The following KCNN2 variants were observed in gnomAD, a reference collection of about 807,000 sequenced individuals.
KCNN2 encodes small conductance calcium-activated potassium channel protein 2.
A neutral mutation model predicts 55.5 loss-of-function variants in KCNN2; 24 were observed. That is an observed-to-expected ratio of 0.43 (90% confidence interval 0.31 to 0.61). KCNN2 has a LOEUF of 0.61. Among genes scored for constraint, KCNN2 ranks in the 20% least tolerant of loss-of-function variants. The pLI is 0.08. For synonymous variants in KCNN2, 431 were observed against 336.1 expected (o/e 1.28, Z -3.09); for missense variants, 754 against 853.6 (o/e 0.88, Z 1.45).
chr5:114,181,383 T>G (rs1386940604), intron 1 of KCNN2, among the ~76,000 whole-genome samples: 1 of 152,238 alleles, frequency 6.6e-6, no homozygotes, highest in East Asian at 1.9e-4. Context: ...ATGTGCTTAT[T>G]GGCAATGCAT....
At chr5:114,441,610 T>C (rs745559708) in intron 3 of KCNN2, among the ~76,000 whole-genome samples, 34 of 152,202 alleles carry the variant, frequency 2.2e-4, no homozygotes, top group African/African-American at 8.0e-4. Flanking sequence ...CATGATAATA[T>C]GAGGGTGGCA....
chr5:114,395,827 G>A (rs934606817), intron 2 of KCNN2, among the ~76,000 whole-genome samples: 1 of 152,022 alleles, frequency 6.6e-6, no homozygotes, highest in African/African-American at 2.4e-5. Context: ...ATCCTCTTAC[G>A]TCCTGACCTT....
At chr5:114,437,306 A>G (rs1760043100) in intron 3 of KCNN2, among the ~76,000 whole-genome samples, 1 of 152,178 alleles carries the variant, frequency 6.6e-6, no homozygotes, top group Non-Finnish European at 1.5e-5. Flanking sequence ...CTGGAGAAAA[A>G]CAGGAAGAGA....
At chr5:114,334,779 T>C (rs2150034372) in intron 2 of KCNN2, among the ~76,000 whole-genome samples, 1 of 152,300 alleles carries the variant, frequency 6.6e-6, no homozygotes, top group East Asian at 1.9e-4. Flanking sequence ...AACTATCCCA[T>C]GAGTAAAAAC....
intron 2 of KCNN2, among the ~76,000 whole-genome samples, chr5:114,280,703 T>A (rs889521998): frequency 3.9e-5 from 6 of 152,204 alleles, no homozygotes; most frequent in African/African-American, 2.4e-5. Flanking sequence ...TAATGGTCTA[T>A]CTACATTTAC....
intron 1 of KCNN2, among the ~76,000 whole-genome samples, chr5:114,152,451 T>TCCC (rs1752547610): frequency 1.3e-5 from 2 of 152,194 alleles, no homozygotes; most frequent in African/African-American, 4.8e-5. Flanking sequence ...TATTTGCAAA[T>TCCC]ATAATTTTTT....
rs546176929 is a variant in KCNN2 at position 114,200,782 on chromosome 5, C to T, written c.-270-20698C>T. ...TGTGATATTTGCGTGAGTTCTTTGG[C>T]AGTGGTCAGTGGTCTCTGTGATTTC... On this transcript the variant is annotated intron_variant, in intron 1 of 10. Coordinates refer to the KCNN2 transcript ENST00000512097. Among the ~76,000 whole-genome samples the T allele has an allele frequency of 3.4e-4, 52 of 151,978 alleles. 1 individual carries two copies. The highest frequency in any genetic ancestry group is 1.3e-3 in the African/African-American group (52 of 41,442).
rs184723153 is a variant in KCNN2 at position 114,142,043 on chromosome 5, A to T, written c.-270-79437A>T. On this transcript the variant is annotated intron_variant, in intron 1 of 10. Transcript: ENST00000512097. ...ATTCTGGATATTAGCCCTTTGTCAG[A>T]TGAGTAGATTGCAAAAAATTTCTCC... Among the ~76,000 whole-genome samples the T allele has an allele frequency of 2.9e-3, 434 of 152,224 alleles. 1 individual carries two copies. Among genetic ancestry groups the T allele is most frequent in the African/African-American group, 0.01 (417 of 41,518 alleles).
At chr5:114,436,736 A>G (rs1208351477) in intron 3 of KCNN2, among the ~76,000 whole-genome samples, 1 of 152,208 alleles carries the variant, frequency 6.6e-6, no homozygotes, top group African/African-American at 2.4e-5. Flanking sequence ...TGAATGAATC[A>G]TGCAGTTCAG....
chr5:114,063,406 G>A (rs1750373163), intron 1 of KCNN2, among the ~76,000 whole-genome samples: 1 of 152,196 alleles, frequency 6.6e-6, no homozygotes, highest in African/African-American at 2.4e-5. Context: ...AAGCATGGCA[G>A]CCCAGATCAG....
intron 2 of KCNN2, among the ~76,000 whole-genome samples, chr5:114,311,896 C>T (rs193214716): frequency 1.1e-4 from 17 of 152,180 alleles, no homozygotes; most frequent in Admixed American, 3.3e-4. Context: ...TCTCATGTGG[C>T]GCCATGAGGC....
intron 1 of KCNN2, among the ~76,000 whole-genome samples, chr5:114,182,050 G>T (rs1013548112): frequency 6.6e-6 from 1 of 151,994 alleles, no homozygotes; most frequent in African/African-American, 2.4e-5. Context: ...GTAAGGTGTG[G>T]GTTAGATTTG....
chr5:114,466,649 TAC>T (rs1318844349), intron 4 of KCNN2, among the ~76,000 whole-genome samples: 1 of 152,156 alleles, frequency 6.6e-6, no homozygotes, highest in African/African-American at 2.4e-5. Flanking sequence ...TCTGTAAAAT[TAC>T]AGTGACTCTT....
At chr5:114,467,848 C>T (rs1761527904) in intron 4 of KCNN2, among the ~76,000 whole-genome samples, 1 of 152,148 alleles carries the variant, frequency 6.6e-6, no homozygotes, top group Admixed American at 6.6e-5. Flanking sequence ...CAGAGCTGCC[C>T]TTCCTATCTC....
chr5:114,278,304 C>A (rs543710611), intron 2 of KCNN2, among the ~76,000 whole-genome samples: 1 of 152,252 alleles, frequency 6.6e-6, no homozygotes, highest in Non-Finnish European at 1.5e-5. Flanking sequence ...ACATGGGGGT[C>A]AGGGACCCAC....
intron 1 of KCNN2, among the ~76,000 whole-genome samples, chr5:114,154,829 A>C (rs1353561063): frequency 6.6e-6 from 1 of 152,094 alleles, no homozygotes; most frequent in Non-Finnish European, 1.5e-5. Flanking sequence ...CAATGGCTAT[A>C]TTCTTACTTT....
chr5:114,291,929 G>A (rs376854317), intron 2 of KCNN2, among the ~76,000 whole-genome samples: 3 of 151,332 alleles, frequency 2.0e-5, no homozygotes, highest in African/African-American at 4.9e-5. Flanking sequence ...ATTTGCATTT[G>A]TCTGATGGCC....
At chr5:114,056,776 C>T (rs145657126) in intron 1 of KCNN2, among the ~76,000 whole-genome samples, 1 of 152,146 alleles carries the variant, frequency 6.6e-6, no homozygotes, top group East Asian at 1.9e-4. Context: ...TTCCATCCTT[C>T]CCCCCTTGTC....
chr5:114,181,217 T>C (rs1753235829), intron 1 of KCNN2, among the ~76,000 whole-genome samples: 1 of 152,182 alleles, frequency 6.6e-6, no homozygotes, highest in Non-Finnish European at 1.5e-5. Context: ...TCCAAAGTGG[T>C]TGCATCATTT....
Sources: gnomAD v4.1 joint callset for allele counts (sites outside exome capture counted in the v4.1 genomes callset) on GRCh38, gnomAD v4.1.1 for gene constraint, MANE v1.5 for transcripts, NCBI Gene and HGNC (gene_info 2026-07-23, HGNC 2026-07-21) for gene names.